NKAIN3: variants seen among roughly 807,000 people sequenced by gnomAD.
NKAIN3 encodes sodium/potassium transporting ATPase interacting 3.
Under a neutral mutation model 30.2 loss-of-function variants are expected in NKAIN3, and 25 were observed. The ratio of observed to expected loss-of-function variants is 0.83; its 90% CI spans 0.60 to 1.16. NKAIN3 has a LOEUF of 1.16. Ranked by LOEUF, NKAIN3 falls within the 50% of genes most tolerant of loss-of-function variation. NKAIN3 has a pLI of 0.00. For missense variants in NKAIN3, 225 were observed against 254.1 expected, an observed-to-expected ratio of 0.89 and a Z score of 0.78; for synonymous variants, 91 against 89.6, an observed-to-expected ratio of 1.02 and a Z score of -0.09.
chr8:62,651,131 C>A (rs1297599114), intron 3 of NKAIN3, among the ~76,000 whole-genome samples: 1 of 151,402 alleles, frequency 6.6e-6, no homozygotes, highest in Admixed American at 6.6e-5. Flanking sequence ...AAAAAAACTT[C>A]TTCGAAAAGA....
chr8:62,739,655 A>G (rs996288217), intron 3 of NKAIN3, among the ~76,000 whole-genome samples: 44 of 152,162 alleles, frequency 2.9e-4, no homozygotes, highest in Admixed American at 2.5e-3. Context: ...TGGATGGATA[A>G]GGCTTCATTG....
intron 5 of NKAIN3, among the ~76,000 whole-genome samples, chr8:62,994,477 G>C (rs1447696708): frequency 2.0e-5 from 3 of 152,196 alleles, no homozygotes; most frequent in African/African-American, 7.2e-5. Context: ...CTGGGAAAAA[G>C]GATTGAGTGG....
chr8:62,439,778 G>T (rs749030429), intron 1 of NKAIN3, among the ~76,000 whole-genome samples: 11 of 152,204 alleles, frequency 7.2e-5, no homozygotes, highest in Non-Finnish European at 1.5e-4. Context: ...TGAACATGAG[G>T]TGCAGTCAAC....
chr8:62,400,282 C>T lies in NKAIN3; in HGVS notation c.54+151155C>T, dbSNP rs1227385816. 2.0e-5 allele frequency among the ~76,000 whole-genome samples: 3 copies of T among 150,914 alleles called. No individual in the cohort carries two copies. The East Asian group carries it at 5.9e-4, about 30-fold the overall frequency. On this transcript the variant is annotated intron_variant, in intron 1 of 6. Transcript: ENST00000623646. The stretch of plus-strand genomic sequence containing the variant: ...CTGGGTTCAAGTGATTCTCCTGCCT[C>T]AGCCACCCGCCCCCCAGTAGCTGGG...
rs527927331 is a variant in NKAIN3, at chr8:62,935,628, T to C, written c.532+17115T>C. On this transcript the variant is annotated intron_variant, in intron 5 of 6. Coordinates refer to ENST00000623646, the MANE Select transcript of NKAIN3 (RefSeq NM_001304533.3). ...ACAATAAAGTTCTTAATAAATAGGC[T>C]AAAAAAGATCGATATACATAGAGAG... Among the ~76,000 whole-genome samples the C allele has an allele frequency of 2.6e-5, 4 of 152,126 alleles. No homozygotes were observed. The South Asian group carries it at 8.3e-4, about 32-fold the overall frequency.
chr8:62,385,551 C>T (rs559262382), intron 1 of NKAIN3, among the ~76,000 whole-genome samples: 1 of 152,240 alleles, frequency 6.6e-6, no homozygotes, highest in Non-Finnish European at 1.5e-5. Flanking sequence ...CATTTATATT[C>T]AAGAAAATTT....
At chr8:62,808,253 G>C (rs1818368227) in intron 4 of NKAIN3, among the ~76,000 whole-genome samples, 1 of 152,122 alleles carries the variant, frequency 6.6e-6, no homozygotes, top group South Asian at 2.1e-4. Context: ...TGAAGAACAT[G>C]CTTTAGTAGT....
intron 4 of NKAIN3, among the ~76,000 whole-genome samples, chr8:62,861,489 G>A (rs936107635): frequency 3.9e-5 from 6 of 152,180 alleles, no homozygotes; most frequent in Admixed American, 2.6e-4. Context: ...GAAAGCCAAG[G>A]CTAGCCCTGG....
At chr8:62,945,274 G>T (rs2130887715) in intron 5 of NKAIN3, among the ~76,000 whole-genome samples, 1 of 152,248 alleles carries the variant, frequency 6.6e-6, no homozygotes, top group East Asian at 1.9e-4. Context: ...TAGATAAAGA[G>T]GCTGAGATAT....
intron 3 of NKAIN3, among the ~76,000 whole-genome samples, chr8:62,701,387 A>G (rs1814327198): frequency 6.6e-6 from 1 of 152,114 alleles, no homozygotes; most frequent in African/African-American, 2.4e-5. Flanking sequence ...TGTAACTCTC[A>G]ATTAGAAAAA....
At chr8:62,390,746 G>C (rs1307205676) in intron 1 of NKAIN3, among the ~76,000 whole-genome samples, 1 of 152,178 alleles carries the variant, frequency 6.6e-6, no homozygotes, top group African/African-American at 2.4e-5. Context: ...ACTGGTGTGA[G>C]ATGGTATCTC....
At chr8:62,299,543 A>T (rs945355507) in intron 1 of NKAIN3, among the ~76,000 whole-genome samples, 1 of 152,160 alleles carries the variant, frequency 6.6e-6, no homozygotes, top group Non-Finnish European at 1.5e-5. Flanking sequence ...ACAATGGTTA[A>T]CTCAAATGAA....
intron 1 of NKAIN3, among the ~76,000 whole-genome samples, chr8:62,375,186 T>C (rs1211354687): frequency 2.6e-5 from 4 of 152,340 alleles, no homozygotes; most frequent in Admixed American, 2.6e-4. Flanking sequence ...GCATGCCATT[T>C]AAACTCAGAG....
At chr8:62,660,783 C>T (rs1232023387) in intron 3 of NKAIN3, among the ~76,000 whole-genome samples, 1 of 152,214 alleles carries the variant, frequency 6.6e-6, no homozygotes, top group Non-Finnish European at 1.5e-5. Context: ...GAAACCATCT[C>T]TTCAAGCCAT....
intron 5 of NKAIN3, among the ~76,000 whole-genome samples, chr8:62,918,814 A>C (rs1467567435): frequency 6.6e-6 from 1 of 152,182 alleles, no homozygotes; most frequent in Non-Finnish European, 1.5e-5. Flanking sequence ...CCGAGTAGAC[A>C]GTCAGCGGTT....
chr8:62,644,433 T>C (rs1812397476), intron 3 of NKAIN3, among the ~76,000 whole-genome samples: 1 of 124,652 alleles, frequency 8.0e-6, no homozygotes, highest in Non-Finnish European at 1.6e-5. Flanking sequence ...AGGCTAATAG[T>C]GTTTTTTTTA....
chr8:62,281,822 T>C (rs1353152539), intron 1 of NKAIN3, among the ~76,000 whole-genome samples: 1 of 152,148 alleles, frequency 6.6e-6, no homozygotes, highest in Non-Finnish European at 1.5e-5. Flanking sequence ...CATTTTCTTT[T>C]ATGTTGAGCA....
At chr8:62,372,983 T>C (rs1816956701) in intron 1 of NKAIN3, among the ~76,000 whole-genome samples, 2 of 152,178 alleles carry the variant, frequency 1.3e-5, no homozygotes, top group African/African-American at 4.8e-5. Context: ...AAAGCAACTT[T>C]GCAAAACACT....
chr8:62,705,059 AAT>A (rs1280579331), intron 3 of NKAIN3, among the ~76,000 whole-genome samples: 3 of 152,166 alleles, frequency 2.0e-5, no homozygotes, highest in African/African-American at 7.2e-5. Context: ...GGTTAAATGG[AAT>A]GAAAGGCTTT....
Sources: allele counts gnomAD v4.1 joint callset (sites outside exome capture counted in the v4.1 genomes callset), GRCh38; gene constraint gnomAD v4.1.1; transcripts MANE v1.5; gene names NCBI Gene and HGNC (gene_info 2026-07-23, HGNC 2026-07-21).